The following EPM2A variants were observed in gnomAD, a reference collection of about 807,000 sequenced individuals.
EPM2A encodes laforin.
A neutral mutation model predicts 26.5 loss-of-function variants in EPM2A; 21 were observed. The ratio of observed to expected loss-of-function variants is 0.79; its 90% confidence interval spans 0.56 to 1.14. EPM2A has a LOEUF of 1.14. Ranked by LOEUF, EPM2A falls within the 50% of genes most tolerant of loss-of-function variation. EPM2A has a pLI of 0.00. For synonymous variants in EPM2A, 217 were observed against 177.6 expected (o/e 1.22, Z -1.76); for missense variants, 458 against 440.8 (o/e 1.04, Z -0.35).
intron 4 of EPM2A, among the ~76,000 whole-genome samples, chr6:145,484,738 A>G (rs399502): frequency 0.26 from 39,871 of 151,592 alleles, 5,790 homozygotes; most frequent in South Asian, 0.38. Flanking sequence ...TGTTATTTGA[A>G]TCATCGTATC....
At chr6:145,389,302 G>A (rs896625734) in intron 4 of EPM2A, among the ~76,000 whole-genome samples, 3 of 151,180 alleles carry the variant, frequency 2.0e-5, no homozygotes, top group African/African-American at 7.3e-5. Flanking sequence ...CAATTCTCCT[G>A]CCTCAGCCAC....
intron 1 of EPM2A, among the ~76,000 whole-genome samples, chr6:145,718,709 G>A (rs955467599): frequency 9.9e-5 from 15 of 152,194 alleles, no homozygotes; most frequent in South Asian, 4.2e-4. Flanking sequence ...GAAAATTTTC[G>A]CAACCTACTC....
intron 4 of EPM2A, among the ~76,000 whole-genome samples, chr6:145,457,050 T>TTATGAGTTTAACATA (rs1353185425): frequency 6.6e-6 from 1 of 152,232 alleles, no homozygotes; most frequent in African/African-American, 2.4e-5. Context: ...TAAGTGAGGT[T>TTATGAGTTTAACATA]TATGAGTTTA....
At chr6:145,562,180 A>G (rs1465318237) in intron 2 of EPM2A, among the ~76,000 whole-genome samples, 2 of 151,706 alleles carry the variant, frequency 1.3e-5, no homozygotes. Flanking sequence ...GGCTCAGTTC[A>G]AGTAATTAAC....
intron 2 of EPM2A, among the ~76,000 whole-genome samples, chr6:145,511,438 G>GGAT (rs1352173753): frequency 1.6e-4 from 24 of 152,146 alleles, no homozygotes; most frequent in Admixed American, 1.1e-3. Flanking sequence ...TGGGGTGCAA[G>GGAT]GATGATTCAA....
chr6:145,654,209 A>C (rs1335465119), intron 2 of EPM2A, among the ~76,000 whole-genome samples: 1 of 138,404 alleles, frequency 7.2e-6, no homozygotes, highest in East Asian at 2.1e-4. Flanking sequence ...TTTTTTTTTG[A>C]GACAGAGTTT....
chr6:145,659,752 C>G (rs977531660), intron 2 of EPM2A, among the ~76,000 whole-genome samples: 3 of 152,158 alleles, frequency 2.0e-5, no homozygotes, highest in Non-Finnish European at 2.9e-5. Context: ...TGTAACCTAA[C>G]TGGATGTGTA....
At chr6:145,564,770 TG>T (rs1491195025) in intron 2 of EPM2A, among the ~76,000 whole-genome samples, 36 of 112,888 alleles carry the variant, frequency 3.2e-4, no homozygotes, top group Admixed American at 5.6e-4. Context: ...TGTGGGTATA[TG>T]GTGGGGGGGG....
intron 2 of EPM2A, among the ~76,000 whole-genome samples, chr6:145,515,825 T>A (rs1289809725): frequency 6.6e-6 from 1 of 152,146 alleles, no homozygotes; most frequent in East Asian, 1.9e-4. Flanking sequence ...GGAATACAGG[T>A]CACCTTGCGA....
intron 4 of EPM2A, among the ~76,000 whole-genome samples, chr6:145,431,234 C>T (rs528004711): frequency 6.6e-6 from 1 of 152,142 alleles, no homozygotes; most frequent in Non-Finnish European, 1.5e-5. Flanking sequence ...GAACAGAATA[C>T]ACTAGAGTCC....
intron 1 of EPM2A, among the ~76,000 whole-genome samples, chr6:145,730,811 G>A (rs1373457968): frequency 2.0e-5 from 3 of 152,194 alleles, no homozygotes; most frequent in Non-Finnish European, 4.4e-5. Context: ...GAAAGAATCA[G>A]TAGGTAGTTA....
At chr6:145,564,947 C>T (rs193263737) in intron 2 of EPM2A, among the ~76,000 whole-genome samples, 39 of 152,268 alleles carry the variant, frequency 2.6e-4, no homozygotes, top group African/African-American at 8.2e-4. Context: ...TACTATAGGG[C>T]TTGGGCAGTT....
chr6:145,465,486 C>A (rs543792703), intron 4 of EPM2A, among the ~76,000 whole-genome samples: 2 of 151,612 alleles, frequency 1.3e-5, no homozygotes, highest in Admixed American at 6.6e-5. Context: ...AGTCATTCTC[C>A]ATCCAGCTTT....
chr6:145,653,203 C>G (rs143024879), intron 2 of EPM2A, among the ~76,000 whole-genome samples: 1 of 152,164 alleles, frequency 6.6e-6, no homozygotes, highest in Non-Finnish European at 1.5e-5. Flanking sequence ...GTAATCCCCA[C>G]GTATTGATGG....
intron 1 of EPM2A, 81 bp downstream of exon 1, chr6:145,735,117 C>T: frequency 9.1e-7 from 1 of 1,103,830 alleles, no homozygotes; most frequent in Non-Finnish European, 1.2e-6. Flanking sequence ...CCTGCGGGGC[C>T]TGCCCGAGGC....
intron 1 of EPM2A, among the ~76,000 whole-genome samples, chr6:145,706,564 C>T (rs2128629095): frequency 6.6e-6 from 1 of 152,220 alleles, no homozygotes; most frequent in South Asian, 2.1e-4. Context: ...ATCCAATCAA[C>T]ACTGATGGCC....
chr6:145,499,559 T>C (rs1057391606), downstream of EPM2A, among the ~76,000 whole-genome samples: 1 of 152,244 alleles, frequency 6.6e-6, no homozygotes, highest in Non-Finnish European at 1.5e-5. Flanking sequence ...AGTCCATTTC[T>C]ATTCGTTGCT....
chr6:145,693,595 C>T (rs1781403959), intron 1 of EPM2A, among the ~76,000 whole-genome samples: 1 of 151,948 alleles, frequency 6.6e-6, no homozygotes, highest in Non-Finnish European at 1.5e-5. Context: ...ATTCAGGTGA[C>T]AGACACACTA....
intron 2 of EPM2A, among the ~76,000 whole-genome samples, chr6:145,585,552 T>C (rs1256216969): frequency 6.6e-6 from 1 of 152,192 alleles, no homozygotes; most frequent in Non-Finnish European, 1.5e-5. Flanking sequence ...TCTAGATGTC[T>C]ATCTAGGTTC....
Sources: allele counts gnomAD v4.1 joint callset (sites outside exome capture counted in the v4.1 genomes callset), GRCh38; gene constraint gnomAD v4.1.1; transcripts MANE v1.5; gene names NCBI Gene and HGNC (gene_info 2026-07-23, HGNC 2026-07-21).